NYAP2: variants seen among roughly 807,000 people sequenced by gnomAD.
NYAP2 encodes neuronal tyrosine-phosphorylated phosphoinositide-3-kinase adapter 2.
In NYAP2, 23 loss-of-function variants were observed where a neutral mutation model predicts 50.4. That is an observed-to-expected ratio of 0.46 (90% CI 0.33 to 0.65). The LOEUF (loss-of-function observed/expected upper bound fraction) is 0.65, where lower values mean the gene tolerates loss of function less well. NYAP2 is among the 30% of genes least tolerant of loss of function. The probability of loss-of-function intolerance (pLI) is 0.02; values close to 1 mark genes in which losing one functional copy is unlikely to be tolerated. For missense variants in NYAP2, 885 were observed against 861.0 expected (o/e 1.03, Z -0.35); for synonymous variants, 394 against 365.2 (o/e 1.08, Z -0.90).
In NYAP2 at chr2:225,480,300, T is replaced by C. The variant is rs562134229; in HGVS notation, c.222-33071T>C. Among the ~76,000 whole-genome samples, 155 of 152,172 alleles carry C rather than the reference T, an allele frequency of 1.0e-3. 10 individuals carry two copies. The South Asian group carries it at 0.032, about 31-fold the overall frequency. On this transcript the variant is annotated intron_variant, in intron 3 of 6. Transcript: ENST00000636099. ...AAAAAATGATCTCCTCCATCTAAGATTTATATATGTATACTAGGGGAAGAT... is the reference window on the plus strand; with the variant it reads ...AAAAAATGATCTCCTCCATCTAAGACTTATATATGTATACTAGGGGAAGAT...
intron 3 of NYAP2, among the ~76,000 whole-genome samples, chr2:225,492,763 G>A (rs1282908628): frequency 2.0e-5 from 3 of 152,020 alleles, no homozygotes; most frequent in African/African-American, 7.3e-5. Context: ...GAGAAGGGGA[G>A]GATGCCACAT....
downstream of NYAP2, among the ~76,000 whole-genome samples, chr2:225,655,254 G>T (rs989165144): frequency 2.6e-5 from 4 of 152,154 alleles, no homozygotes; most frequent in African/African-American, 7.2e-5. Context: ...TTTAGAGTTT[G>T]CCCCAAAACA....
chr2:225,570,454 T>A (rs1195512631), intron 4 of NYAP2, among the ~76,000 whole-genome samples: 1 of 152,170 alleles, frequency 6.6e-6, no homozygotes, highest in Non-Finnish European at 1.5e-5. Context: ...GACTCACAGT[T>A]CTGCATGGCT....
Position 225,439,993 on chromosome 2 carries a change from T to G in NYAP2, c.221+30892T>G, listed in dbSNP as rs145668064. On this transcript the variant is annotated intron_variant, in intron 3 of 6. Coordinates refer to ENST00000636099, the Ensembl canonical transcript of NYAP2. ...GTGAGTGCAAGCAGGGGAAATGCCA[T>G]AGGCTTATAAAACCATCAGATCTTG... 7.1e-3 allele frequency among the ~76,000 whole-genome samples: 1,085 copies of G among 152,300 alleles called. 11 individuals are homozygous for G. The highest frequency in any genetic ancestry group is 0.024 in the African/African-American group (1,014 of 41,572).
In NYAP2 at chr2:225,477,774, C is replaced by T. The variant is rs148254576; in HGVS notation, c.222-35597C>T. On this transcript the variant is annotated intron_variant, in intron 3 of 6. Transcript: ENST00000636099. ...ACACGCACATATATACACACATATACATACACATGTATATCTATATCTGTA... is the reference window on the plus strand; with the variant it reads ...ACACGCACATATATACACACATATATATACACATGTATATCTATATCTGTA... 2.4e-3 allele frequency among the ~76,000 whole-genome samples: 358 copies of T among 152,226 alleles called. 2 individuals are homozygous for T. The highest frequency in any genetic ancestry group is 8.1e-3 in the African/African-American group (338 of 41,530).
intron 3 of NYAP2, among the ~76,000 whole-genome samples, chr2:225,464,772 C>T (rs1027452394): frequency 1.3e-5 from 2 of 152,160 alleles, no homozygotes; most frequent in African/African-American, 2.4e-5. Flanking sequence ...AGAGTAAGAA[C>T]GTGAGCAATA....
At chr2:225,540,773 A>G (rs1691452206) in intron 4 of NYAP2, among the ~76,000 whole-genome samples, 1 of 152,216 alleles carries the variant, frequency 6.6e-6, no homozygotes, top group African/African-American at 2.4e-5. Context: ...TCTTTGACAT[A>G]CTGATTTCTA....
At chr2:225,487,804 A>G (rs970772063) in intron 3 of NYAP2, among the ~76,000 whole-genome samples, 7 of 152,194 alleles carry the variant, frequency 4.6e-5, no homozygotes, top group Admixed American at 1.3e-4. Flanking sequence ...ACTATTTTCT[A>G]TCCCCCTTTC....
chr2:225,688,130 CCAAGGAT>C, the NYAP2 span, among the ~76,000 whole-genome samples: 1 of 152,074 alleles, frequency 6.6e-6, no homozygotes, highest in African/African-American at 2.4e-5. Flanking sequence ...AGCCAAAGGG[CCAAGGAT>C]TGATGTCCAG....
intron 5 of NYAP2, among the ~76,000 whole-genome samples, chr2:225,583,914 C>T (rs1692345206): frequency 6.6e-6 from 1 of 152,078 alleles, no homozygotes; most frequent in Admixed American, 6.5e-5. Flanking sequence ...TGGTGGCGGG[C>T]ACCTTTAGTC....
chr2:225,529,275 G>T (rs565453444), intron 4 of NYAP2, among the ~76,000 whole-genome samples: 46 of 152,146 alleles, frequency 3.0e-4, no homozygotes, highest in African/African-American at 1.1e-3. Flanking sequence ...GTCCTCAGAA[G>T]GCACCTCAGA....
At chr2:225,541,056 T>C (rs578210400) in intron 4 of NYAP2, among the ~76,000 whole-genome samples, 129 of 152,328 alleles carry the variant, frequency 8.5e-4, no homozygotes, top group African/African-American at 2.9e-3. Context: ...GTTGGACACC[T>C]TTTCATATAC....
chr2:225,562,527 A>G (rs910417812), intron 4 of NYAP2, among the ~76,000 whole-genome samples: 1 of 152,146 alleles, frequency 6.6e-6, no homozygotes, highest in African/African-American at 2.4e-5. Context: ...CAAAGGATCC[A>G]TATCTCCAAG....
At chr2:225,446,216 G>GTCTCTCTCTCTCTC (rs1271105292) in intron 3 of NYAP2, among the ~76,000 whole-genome samples, 13 of 69,642 alleles carry the variant, frequency 1.9e-4, no homozygotes, top group East Asian at 5.0e-4. Context: ...CTGTCTGTCT[G>GTCTCTCTCTCTCTC]TCTCTCTCTC....
At chr2:225,658,082 T>C (rs964676753), downstream of NYAP2, among the ~76,000 whole-genome samples, 1 of 152,206 alleles carries the variant, frequency 6.6e-6, no homozygotes, top group African/African-American at 2.4e-5. Context: ...CTGATTTTAT[T>C]GTATGCTCAT....
chr2:225,500,564 T>TTATAG, intron 3 of NYAP2, among the ~76,000 whole-genome samples: 1 of 152,342 alleles, frequency 6.6e-6, no homozygotes, highest in South Asian at 2.1e-4. Context: ...TTCAGGTACT[T>TTATAG]TCTATAAAGT....
At chr2:225,420,794 T>C (rs1226743103) in intron 3 of NYAP2, among the ~76,000 whole-genome samples, 1 of 151,866 alleles carries the variant, frequency 6.6e-6, no homozygotes, top group Non-Finnish European at 1.5e-5. Flanking sequence ...TATTTCCTTT[T>C]TCATATAGTA....
At chr2:225,586,021 C>A (rs1692384204) in intron 5 of NYAP2, among the ~76,000 whole-genome samples, 1 of 152,160 alleles carries the variant, frequency 6.6e-6, no homozygotes, top group East Asian at 1.9e-4. Flanking sequence ...GAATTTTCTA[C>A]ATTTCAGGAA....
chr2:225,572,515 C>G (rs752163357), intron 4 of NYAP2, among the ~76,000 whole-genome samples: 8 of 152,146 alleles, frequency 5.3e-5, no homozygotes, highest in Non-Finnish European at 7.3e-5. Flanking sequence ...TGTGAGAACT[C>G]ATTATCATGA....
Sources: allele counts gnomAD v4.1 joint callset (sites outside exome capture counted in the v4.1 genomes callset), GRCh38; gene constraint gnomAD v4.1.1; transcripts MANE v1.5; gene names NCBI Gene and HGNC (gene_info 2026-07-23, HGNC 2026-07-21).